Variants in ERAP1 observed in about 807,000 individuals in gnomAD.
ERAP1 encodes the protein endoplasmic reticulum aminopeptidase 1, also known as adipocyte-derived leucine aminopeptidase.
A neutral mutation model predicts 103.7 loss-of-function variants in ERAP1; 86 were observed. The ratio of observed to expected loss-of-function variants is 0.83; its 90% CI spans 0.70 to 0.99. The LOEUF is 0.99. Among genes scored for constraint, ERAP1 ranks in the 50% least tolerant of loss-of-function variants. The probability of loss-of-function intolerance (pLI) is 0.00; values close to 1 mark genes in which losing one functional copy is unlikely to be tolerated. For synonymous variants in ERAP1, 398 were observed against 402.4 expected (o/e 0.99, Z 0.13); for missense variants, 1,009 against 1,128.4 (o/e 0.89, Z 1.52).
At chr5:96,873,282 T>C in the ERAP1 span, 1 of 454,006 alleles carries the variant, frequency 2.2e-6, no homozygotes, top group Non-Finnish European at 4.4e-6. Context: ...TCATTCATTC[T>C]CACCTGTTTG....
intron 3 of ERAP1, among the ~76,000 whole-genome samples, chr5:96,800,558 G>T (rs1223173247): frequency 2.0e-5 from 3 of 152,150 alleles, no homozygotes; most frequent in African/African-American, 7.2e-5. Context: ...GGGTGAAAGT[G>T]CTTTGTGAAG....
the ERAP1 span, among the ~76,000 whole-genome samples, chr5:96,914,791 T>C: frequency 1.3e-5 from 2 of 152,176 alleles, no homozygotes; most frequent in Non-Finnish European, 2.9e-5. Flanking sequence ...CTAAACACAA[T>C]GTTTAAACAC....
chr5:96,899,483 C>A, the ERAP1 span, among the ~76,000 whole-genome samples: 2 of 152,150 alleles, frequency 1.3e-5, no homozygotes, highest in African/African-American at 4.8e-5. Flanking sequence ...TTCATAAGAT[C>A]ATTTAAAGGC....
chr5:96,776,836 A>G (rs1774393460), intron 18 of ERAP1: 2 of 406,114 alleles, frequency 4.9e-6, no homozygotes, highest in South Asian at 5.5e-5. Flanking sequence ...AATTGTGTCT[A>G]TTTAATGTGT....
intron 19 of ERAP1, chr5:96,767,455 A>G: frequency 6.2e-7 from 1 of 1,612,904 alleles, no homozygotes; most frequent in Non-Finnish European, 8.5e-7. Flanking sequence ...CAGTGAAGCC[A>G]CCTACAAAGA....
chr5:96,766,950 G>C (rs1194034147), intron 19 of ERAP1, among the ~76,000 whole-genome samples: 1 of 152,182 alleles, frequency 6.6e-6, no homozygotes, highest in Non-Finnish European at 1.5e-5. Context: ...TATTCCTCAA[G>C]ATAGCAATTC....
chr5:96,898,488 T>C, the ERAP1 span, among the ~76,000 whole-genome samples: 1,730 of 148,606 alleles, frequency 0.012, 35 homozygotes, highest in African/African-American at 0.041. Flanking sequence ...ATGCTTGTAA[T>C]CCCATCACTT....
At position 96,797,252 on chromosome 5, in the gene ERAP1, TCA is replaced by T; in HGVS notation, c.719_720del (p.Val240GlufsTer15). 1.9e-6 allele frequency: 3 copies of T among 1,614,192 alleles called. No homozygotes were observed. The highest frequency in any genetic ancestry group is 1.3e-5 in the African/African-American group (1 of 75,062). On this transcript the variant is annotated frameshift_variant, in exon 4 of 19. Coordinates refer to ENST00000443439, the MANE Select transcript of ERAP1 (RefSeq NM_001040458.3). LOFTEE classifies it high-confidence loss of function. The stretch of plus-strand genomic sequence containing the variant: ...AAGGCCACCAGATAGGTGCTCATCT[TCA>T]CAGTGACATCAAAATGGTCTTCTAT... ...GLIEDHFDVT[V>X]KMSTYLVAFI...
At chr5:96,880,047 C>T in the ERAP1 span, 1 of 1,614,132 alleles carries the variant, frequency 6.2e-7, no homozygotes, top group Admixed American at 1.7e-5. Flanking sequence ...ACGAATGCCA[C>T]CCTTCAGTCA....
At chr5:96,805,346 G>GTTTT (rs368326043) in intron 1 of ERAP1, among the ~76,000 whole-genome samples, 1 of 119,090 alleles carries the variant, frequency 8.4e-6, no homozygotes. Context: ...CTGGTTTTTG[G>GTTTT]TTTTTTTTTT....
At chr5:96,888,673 C>T in the ERAP1 span, among the ~76,000 whole-genome samples, 5 of 152,260 alleles carry the variant, frequency 3.3e-5, no homozygotes, top group Admixed American at 2.6e-4. Context: ...ATTTTTTCTA[C>T]TTGATAGCTA....
exon 20 of ERAP1, chr5:96,762,257 A>T (rs748492267): frequency 6.3e-7 from 1 of 1,575,410 alleles, no homozygotes; most frequent in Non-Finnish European, 8.7e-7. Flanking sequence ...TACTAATAAA[A>T]TTTTTTTCAA....
chr5:96,767,767 T>C (rs1462222866), intron 19 of ERAP1: 1 of 634,588 alleles, frequency 1.6e-6, no homozygotes, highest in Non-Finnish European at 2.8e-6. Flanking sequence ...TCCTTTACAA[T>C]ACATTATTAT....
At chr5:96,779,832 T>G (rs1344156195) in intron 18 of ERAP1, among the ~76,000 whole-genome samples, 2 of 152,242 alleles carry the variant, frequency 1.3e-5, no homozygotes, top group Non-Finnish European at 2.9e-5. Flanking sequence ...GATTCCTCAT[T>G]TTTCCTTGAC....
Position 96,774,557 on chromosome 5 carries a change from G to C in ERAP1, c.*1839C>G, listed in dbSNP as rs972204491. ...GTTGTGGCAATATTGTATCTGTTTAGAAAATGGGCTTTTCCAAAAGCAAAC... is the reference window on the plus strand; with the variant it reads ...GTTGTGGCAATATTGTATCTGTTTACAAAATGGGCTTTTCCAAAAGCAAAC... On this transcript the variant is annotated 3_prime_UTR_variant, in exon 19 of 19. Coordinates refer to ENST00000443439, the MANE Select transcript of ERAP1 (RefSeq NM_001040458.3). The C allele has an allele frequency of 4.8e-5, 47 of 985,650 alleles. No individual in the cohort carries two copies. Among genetic ancestry groups the C allele is most frequent in the Non-Finnish European group, 5.4e-5 (45 of 829,836 alleles). The allele number at this position is 985,650 out of a possible 1,614,324, so 61.1% of individuals were successfully genotyped here. A position where few individuals can be genotyped will look rare whatever the true frequency, so the allele number is the denominator to read the frequency against.
the ERAP1 span, chr5:96,895,421 A>C: frequency 4.3e-6 from 5 of 1,172,972 alleles, no homozygotes; most frequent in African/African-American, 3.1e-5. Context: ...TCACTATTAA[A>C]ATTTCAAGTG....
chr5:96,832,217 A>G, the ERAP1 span, among the ~76,000 whole-genome samples: 1 of 152,190 alleles, frequency 6.6e-6, no homozygotes, highest in East Asian at 1.9e-4. Flanking sequence ...TGTAAAACAT[A>G]TTGACTGGTA....
At chr5:96,907,248 A>G in the ERAP1 span, among the ~76,000 whole-genome samples, 17 of 152,250 alleles carry the variant, frequency 1.1e-4, no homozygotes, top group African/African-American at 4.1e-4. Context: ...AGGGTTAGTA[A>G]TGAGGACTTA....
At chr5:96,934,942 G>A in the ERAP1 span, 4 of 152,444 alleles carry the variant, frequency 2.6e-5, no homozygotes, top group Admixed American at 1.3e-4. Flanking sequence ...ATACCGAGAG[G>A]ATAAGGAAGC....
Sources: gnomAD v4.1 joint callset for allele counts (sites outside exome capture counted in the v4.1 genomes callset) on GRCh38, gnomAD v4.1.1 for gene constraint, MANE v1.5 for transcripts, NCBI Gene and HGNC (gene_info 2026-07-23, HGNC 2026-07-21) for gene names.